Variants in RALGAPA1 observed in about 807,000 individuals in gnomAD.
The protein encoded by RALGAPA1 is Ral GTPase activating protein catalytic subunit alpha 1, also known as ral GTPase-activating protein subunit alpha-1.
In RALGAPA1, 52 loss-of-function variants were observed where a neutral mutation model predicts 269.6. The ratio of observed to expected loss-of-function variants is 0.19; its 90% CI spans 0.15 to 0.24. The LOEUF (loss-of-function observed/expected upper bound fraction) is 0.24, where lower values mean the gene tolerates loss of function less well. RALGAPA1 is among the 10% of genes least tolerant of loss of function. RALGAPA1 has a pLI of 1.00. For synonymous variants in RALGAPA1, 817 were observed against 1,008.3 expected, an observed-to-expected ratio of 0.81 and a Z score of 3.60; for missense variants, 1,917 against 3,013.9, an observed-to-expected ratio of 0.64 and a Z score of 8.52.
intron 12 of RALGAPA1, among the ~76,000 whole-genome samples, chr14:35,738,274 C>T (rs888371331): frequency 4.6e-5 from 7 of 151,816 alleles, no homozygotes; most frequent in African/African-American, 1.7e-4. Context: ...TAAAAAAAAT[C>T]AGTTGCAGAT....
intron 36 of RALGAPA1, among the ~76,000 whole-genome samples, chr14:35,604,312 G>C (rs2059456902): frequency 6.6e-6 from 1 of 151,844 alleles, no homozygotes; most frequent in Non-Finnish European, 1.5e-5. Context: ...TCAAAATACT[G>C]ATATCTTACA....
At chr14:35,657,061 T>C (rs2063218945) in intron 28 of RALGAPA1, among the ~76,000 whole-genome samples, 1 of 152,136 alleles carries the variant, frequency 6.6e-6, no homozygotes, top group African/African-American at 2.4e-5. Flanking sequence ...ATTTTTTTCT[T>C]GCATGTAGAG....
intron 41 of RALGAPA1, chr14:35,542,173 T>C (rs1284682883): frequency 2.7e-6 from 1 of 365,668 alleles, no homozygotes; most frequent in Non-Finnish European, 5.0e-6. Flanking sequence ...TAGAGCTGCA[T>C]TGTCCAATGT....
chr14:35,744,670 T>C (rs1040959038), intron 10 of RALGAPA1, among the ~76,000 whole-genome samples: 2 of 152,218 alleles, frequency 1.3e-5, no homozygotes, highest in Non-Finnish European at 2.9e-5. Flanking sequence ...CTTAGTAAAC[T>C]ACTTTGTTAT....
intron 8 of RALGAPA1, 127 bp downstream of exon 8, chr14:35,751,896 CA>C (rs2072743281): frequency 3.3e-6 from 4 of 1,222,208 alleles, no homozygotes. Flanking sequence ...ATCTAGGTAT[CA>C]TATCTATACC....
At chr14:35,615,986 G>A (rs1287681213) in intron 35 of RALGAPA1, among the ~76,000 whole-genome samples, 1 of 152,042 alleles carries the variant, frequency 6.6e-6, no homozygotes, top group Non-Finnish European at 1.5e-5. Context: ...ATCCCACAGA[G>A]TACTTAGACA....
At chr14:35,751,968 A>C in intron 8 of RALGAPA1, 56 bp downstream of exon 8, 1 of 1,538,176 alleles carries the variant, frequency 6.5e-7, no homozygotes, top group Non-Finnish European at 8.7e-7. Flanking sequence ...ACTTTACAGT[A>C]AGAGATTATT....
chr14:35,664,963 C>T (rs1294653129), intron 26 of RALGAPA1, among the ~76,000 whole-genome samples, 196 bp from the exon 27 acceptor site: 2 of 152,056 alleles, frequency 1.3e-5, no homozygotes, highest in African/African-American at 4.8e-5. Context: ...TTAATAAATG[C>T]AATAAACAAG....
intron 10 of RALGAPA1, among the ~76,000 whole-genome samples, chr14:35,743,024 C>T (rs184401018): frequency 9.9e-5 from 15 of 152,182 alleles, no homozygotes; most frequent in Admixed American, 1.3e-4. Flanking sequence ...AACACTCACC[C>T]GGACTGAGAC....
rs1262303201 is a variant in RALGAPA1, at chr14:35,738,524, C to T, written c.1576G>A (p.Ala526Thr). The change falls in exon 12 of 42, where the codon GCA becomes ACA. Residue 526 changes from alanine to threonine, a missense_variant. By Grantham distance (58) the Ala-to-Thr change is moderately conservative. Around this residue, in one of 11 missense-constraint regions of RALGAPA1, gnomAD observed 462 missense variants for 725.6 expected, o/e 0.64. Transcript: ENST00000680220. ...ATAAAGTGATCCACCTGCAAAACTG[C>T]CTGGGTACCAGCTCGTATGTTTTGT... ...TEQNIRAGTQAVLQVFIINSS... is the reference protein window; with the variant it reads ...TEQNIRAGTQTVLQVFIINSS... The T allele has an allele frequency of 6.3e-7, 1 of 1,596,022 alleles. No homozygotes were observed. The highest frequency in any genetic ancestry group is 1.3e-5 in the African/African-American group (1 of 74,180).
intron 19 of RALGAPA1, among the ~76,000 whole-genome samples, chr14:35,685,554 G>A (rs916985665): frequency 1.3e-5 from 2 of 152,060 alleles, no homozygotes; most frequent in African/African-American, 2.4e-5. Context: ...AAAGGGGCGG[G>A]GTATATAATG....
intron 10 of RALGAPA1, among the ~76,000 whole-genome samples, chr14:35,746,906 T>C (rs1393458291): frequency 1.3e-5 from 2 of 148,762 alleles, no homozygotes; most frequent in Non-Finnish European, 3.0e-5. Flanking sequence ...GGAAAAGGAA[T>C]GGGGGCTGGG....
At chr14:35,547,868 T>G (rs1229521259) in intron 41 of RALGAPA1, among the ~76,000 whole-genome samples, 1 of 152,132 alleles carries the variant, frequency 6.6e-6, no homozygotes, top group Non-Finnish European at 1.5e-5. Context: ...ATGACAGGAA[T>G]GGAAACTTTA....
At chr14:35,799,895 A>AAT (rs1275801174) in intron 1 of RALGAPA1, among the ~76,000 whole-genome samples, 5 of 152,186 alleles carry the variant, frequency 3.3e-5, no homozygotes, top group South Asian at 2.1e-4. Context: ...AAAAGATGGG[A>AAT]ATATATATAT....
Position 35,756,803 on chromosome 14 carries a change from A to G in RALGAPA1, c.653T>C (p.Ile218Thr). The G allele has an allele frequency of 6.2e-7, 1 of 1,601,054 alleles. No homozygotes were observed. The highest frequency in any genetic ancestry group is 8.5e-7 in the Non-Finnish European group (1 of 1,170,646). The change falls in exon 7 of 42, where the codon ATA (isoleucine) becomes ACA (threonine). Residue 218 changes from isoleucine to threonine, a missense_variant. Coordinates refer to ENST00000680220, the MANE Select transcript of RALGAPA1 (RefSeq NM_001346249.2). Reference sequence around the variant, plus strand: ...GAAGATAACAAGTACCTGAATGACTATGTATTTTAGAAGTGCTTCAAGAAA... The same window carrying G: ...GAAGATAACAAGTACCTGAATGACTGTGTATTTTAGAAGTGCTTCAAGAAA... ...SYFLEALLKY[I>T]VIQVKSLEWK...
chr14:35,673,799 C>G (rs756724271), intron 24 of RALGAPA1, among the ~76,000 whole-genome samples: 29 of 152,196 alleles, frequency 1.9e-4, no homozygotes, highest in Admixed American at 5.2e-4. Flanking sequence ...CCAGGCTGGT[C>G]TCAAACTCCT....
At chr14:35,587,001 C>T (rs1342213654) in intron 37 of RALGAPA1, among the ~76,000 whole-genome samples, 1 of 152,178 alleles carries the variant, frequency 6.6e-6, no homozygotes, top group East Asian at 1.9e-4. Context: ...AGGATTCCCT[C>T]TTTTTCTATT....
At chr14:35,703,337 G>C (rs926258787) in intron 16 of RALGAPA1, among the ~76,000 whole-genome samples, 1 of 152,124 alleles carries the variant, frequency 6.6e-6, no homozygotes, top group African/African-American at 2.4e-5. Flanking sequence ...CATTAGCTGG[G>C]TGTGGTGGTG....
intron 34 of RALGAPA1, among the ~76,000 whole-genome samples, chr14:35,625,860 TA>T (rs2060961715): frequency 6.6e-6 from 1 of 152,232 alleles, no homozygotes; most frequent in Non-Finnish European, 1.5e-5. Flanking sequence ...CCTTGTTTTA[TA>T]ATTTTTAGAC....
Sources: allele counts gnomAD v4.1 joint callset (sites outside exome capture counted in the v4.1 genomes callset), GRCh38; gene constraint gnomAD v4.1.1; regional missense constraint gnomAD v4.1.1; transcripts MANE v1.5; gene names NCBI Gene and HGNC (gene_info 2026-07-23, HGNC 2026-07-21).